THAP4: variants seen among roughly 807,000 people sequenced by gnomAD.
The protein encoded by THAP4 is peroxynitrite isomerase THAP4.
Under a neutral mutation model 48.1 loss-of-function variants are expected in THAP4, and 18 were observed. That is an observed-to-expected ratio of 0.37 (90% CI 0.26 to 0.56). THAP4 has a LOEUF of 0.56. Among genes scored for constraint, THAP4 ranks in the 20% least tolerant of loss-of-function variants. The pLI, the probability that THAP4 is intolerant of heterozygous loss-of-function variation, is 0.78. For missense variants in THAP4, 656 were observed against 774.9 expected (o/e 0.85, Z 1.82); for synonymous variants, 345 against 324.9 (o/e 1.06, Z -0.66).
chr2:241,601,035 T>C lies in THAP4; in HGVS notation c.1614+861A>G, dbSNP rs538396227. On this transcript the variant is annotated intron_variant, in intron 5 of 5. Transcript: ENST00000407315. This position sits in a 1 kb window ranked among gnomAD's most constrained non-coding sequence, Gnocchi z 4.0. ...TGTTCATACCTGTAATCCCAGCACT[T>C]TGGGAGGCTGAGGCGGGTGGATCAC... Among the ~76,000 whole-genome samples, 32 of 151,392 alleles carry C rather than the reference T, an allele frequency of 2.1e-4. No homozygotes were observed. Among genetic ancestry groups the C allele is most frequent in the Middle Eastern group, 3.5e-3 (1 of 288 alleles).
At chr2:241,628,741 A>AAAAAAAC (rs1172079282) in intron 2 of THAP4, among the ~76,000 whole-genome samples, 2 of 150,954 alleles carry the variant, frequency 1.3e-5, no homozygotes, top group Non-Finnish European at 2.9e-5. Flanking sequence ...CTCTACAAAA[A>AAAAAAAC]AAAAAACAAA....
chr2:241,592,304 GCA>G (rs2066992601), intron 5 of THAP4: 1 of 152,482 alleles, frequency 6.6e-6, no homozygotes, highest in Admixed American at 6.5e-5. Context: ...AAGTTACAAA[GCA>G]CAGACACACA....
chr2:241,602,395 C>T (rs1161122843), intron 4 of THAP4, among the ~76,000 whole-genome samples: 6 of 150,376 alleles, frequency 4.0e-5, no homozygotes, highest in South Asian at 2.1e-4. Flanking sequence ...GACAGAATCT[C>T]GCTCTGTTGC....
Position 241,637,045 on chromosome 2 carries a change from A to AG in THAP4, c.-29dup. 8.2e-7 allele frequency: 1 copy of AG among 1,219,822 alleles called. No homozygotes were observed. The allele number at this position is 1,219,822 out of a possible 1,614,324, so 75.6% of individuals were successfully genotyped here. A position where few individuals can be genotyped will look rare whatever the true frequency, so the allele number is the denominator to read the frequency against. ...CGGGCCTTGGCCCAGCCGCGCAGCCAGGCCCCGGCCCTAGCCGCCCGCCCG... is the reference window on the plus strand; with the variant it reads ...CGGGCCTTGGCCCAGCCGCGCAGCCAGGGCCCCGGCCCTAGCCGCCCGCCCG... On this transcript the variant is annotated 5_prime_UTR_variant, in exon 1 of 6. Coordinates refer to ENST00000407315, the MANE Select transcript of THAP4 (RefSeq NM_015963.6).
intron 5 of THAP4, among the ~76,000 whole-genome samples, chr2:241,585,930 G>A (rs6745426): frequency 0.27 from 28,802 of 106,276 alleles, 4,401 homozygotes; most frequent in Middle Eastern, 0.36. Context: ...AAAAAAAAAA[G>A]AAAAAAAAAA....
intron 1 of THAP4, 48 bp from the exon 2 acceptor site, chr2:241,634,127 C>T: frequency 1.4e-6 from 2 of 1,403,062 alleles, no homozygotes; most frequent in Non-Finnish European, 1.9e-6. Context: ...AAATGTCTCC[C>T]CTTAAAATAA....
upstream of THAP4, chr2:241,637,338 T>C: frequency 7.8e-7 from 1 of 1,277,602 alleles, no homozygotes; most frequent in South Asian, 1.4e-5. Context: ...TACCGCGACA[T>C]GGGCGCGCCG....
At chr2:241,584,755 T>C (rs1409040897) in intron 5 of THAP4, 30 bp from the exon 6 acceptor site, 1 of 1,613,952 alleles carries the variant, frequency 6.2e-7, no homozygotes. Flanking sequence ...AAAGATAGCT[T>C]AGTTTTATCT....
intron 5 of THAP4, among the ~76,000 whole-genome samples, chr2:241,594,998 A>C (rs901339256): frequency 6.6e-6 from 1 of 152,144 alleles, no homozygotes; most frequent in Admixed American, 6.5e-5. Flanking sequence ...GAGCGATCTG[A>C]ATAGTATGTG....
intron 5 of THAP4, among the ~76,000 whole-genome samples, chr2:241,590,448 C>A (rs2066948647): frequency 6.6e-6 from 1 of 150,506 alleles, no homozygotes; most frequent in South Asian, 2.1e-4. Flanking sequence ...CGCAGAGCTG[C>A]TCGGCTGATG....
chr2:241,623,593 GA>G (rs11387542), intron 2 of THAP4, among the ~76,000 whole-genome samples: 31 of 135,204 alleles, frequency 2.3e-4, no homozygotes, highest in Non-Finnish European at 2.4e-4. Context: ...AAGAAAAAAG[GA>G]AAAAAAAAAA....
intron 5 of THAP4, among the ~76,000 whole-genome samples, chr2:241,586,049 A>C (rs2066893059): frequency 6.6e-6 from 1 of 151,280 alleles, no homozygotes; most frequent in Admixed American, 6.6e-5. Context: ...AGGTAAGGAG[A>C]TCGAGACCAT....
At chr2:241,636,103 G>A (rs1263539715) in intron 1 of THAP4, among the ~76,000 whole-genome samples, 1 of 152,210 alleles carries the variant, frequency 6.6e-6, no homozygotes, top group Non-Finnish European at 1.5e-5. Context: ...AAAGTGCGCT[G>A]GCTGACTTGT....
At chr2:241,629,300 T>C (rs1207355553) in intron 2 of THAP4, among the ~76,000 whole-genome samples, 1 of 151,786 alleles carries the variant, frequency 6.6e-6, no homozygotes, top group Non-Finnish European at 1.5e-5. Context: ...TAAGACCCTA[T>C]TGCTACAAAA....
intron 5 of THAP4, chr2:241,585,001 C>T: frequency 2.6e-6 from 1 of 387,758 alleles, no homozygotes; most frequent in Non-Finnish European, 4.8e-6. Flanking sequence ...CGCACCTGAT[C>T]TCGTCTGACC....
rs1384863883 is a variant in THAP4, at chr2:241,585,934, AAAAAAAG to A, written c.1615-1216_1615-1210del. On this transcript the variant is annotated intron_variant, in intron 5 of 5. Transcript: ENST00000407315. Reference sequence around the variant, plus strand: ...TCTCAAAAAAAAAAAAAAAAAGAAAAAAAAAAGAAAAAGAAAAAGAAAGAAAAAAAGC... The same window carrying A: ...TCTCAAAAAAAAAAAAAAAAAGAAAAAAAAAGAAAAAGAAAGAAAAAAAGC... Among the ~76,000 whole-genome samples the A allele has an allele frequency of 2.7e-3, 397 of 148,226 alleles. 5 individuals are homozygous for A. The highest frequency in any genetic ancestry group is 9.4e-3 in the African/African-American group (379 of 40,412).
intron 5 of THAP4, among the ~76,000 whole-genome samples, chr2:241,586,979 C>G (rs2066902936): frequency 6.6e-6 from 1 of 152,158 alleles, no homozygotes; most frequent in Non-Finnish European, 1.5e-5. Context: ...TATATCAAGC[C>G]ACAAATTCTA....
At chr2:241,625,277 C>G (rs1006804443) in intron 2 of THAP4, among the ~76,000 whole-genome samples, 1 of 152,002 alleles carries the variant, frequency 6.6e-6, no homozygotes, top group Non-Finnish European at 1.5e-5. Flanking sequence ...GAGTTCGAGA[C>G]CAGCCTGGGC....
At chr2:241,624,547 G>A (rs928600601) in intron 2 of THAP4, among the ~76,000 whole-genome samples, 1 of 152,042 alleles carries the variant, frequency 6.6e-6, no homozygotes, top group Non-Finnish European at 1.5e-5. Context: ...GGTCTGGAAG[G>A]GTCTCGGGCA....
Sources: allele counts gnomAD v4.1 joint callset (sites outside exome capture counted in the v4.1 genomes callset), GRCh38; gene constraint gnomAD v4.1.1; non-coding constraint Gnocchi (gnomAD v3.1); transcripts MANE v1.5; gene names NCBI Gene and HGNC (gene_info 2026-07-23, HGNC 2026-07-21).